Variants in DLG2 observed in about 807,000 individuals in gnomAD.
The protein encoded by DLG2 is discs large MAGUK scaffold protein 2, also known as disks large homolog 2.
In DLG2, 45 loss-of-function variants were observed where a neutral mutation model predicts 132.5. That is an observed-to-expected ratio of 0.34 (90% CI 0.27 to 0.44). DLG2 has a LOEUF of 0.44. Among genes scored for constraint, DLG2 ranks in the 20% least tolerant of loss-of-function variants. The pLI is 1.00. For missense variants in DLG2, 1,045 were observed against 1,196.9 expected (o/e 0.87, Z 1.87); for synonymous variants, 424 against 419.6 (o/e 1.01, Z -0.13).
At chr11:83,889,659 T>C (rs977119004) in intron 15 of DLG2, among the ~76,000 whole-genome samples, 8 of 152,022 alleles carry the variant, frequency 5.3e-5, no homozygotes, top group South Asian at 2.1e-4. Flanking sequence ...CACATGCACA[T>C]GTATGTTTAT....
intron 6 of DLG2, among the ~76,000 whole-genome samples, chr11:84,950,413 G>C (rs936649004): frequency 2.0e-5 from 3 of 152,112 alleles, no homozygotes; most frequent in Admixed American, 2.0e-4. Context: ...ATATAACACA[G>C]ATCTATTCCT....
intron 3 of DLG2, among the ~76,000 whole-genome samples, chr11:85,475,081 A>G (rs965850081): frequency 6.6e-6 from 1 of 151,766 alleles, no homozygotes; most frequent in African/African-American, 2.4e-5. Flanking sequence ...ATTAAGAAAA[A>G]TGAAATACAT....
chr11:83,696,808 C>T (rs1250196478), intron 18 of DLG2, among the ~76,000 whole-genome samples: 13 of 152,070 alleles, frequency 8.5e-5, no homozygotes, highest in Admixed American at 2.0e-4. Context: ...TGAAGGACTT[C>T]GTAGTCACAA....
chr11:85,039,903 A>C (rs1377837371), intron 6 of DLG2, among the ~76,000 whole-genome samples: 1 of 151,874 alleles, frequency 6.6e-6, no homozygotes, highest in African/African-American at 2.4e-5. Flanking sequence ...TCTAATTCAC[A>C]TTGGCAGTCC....
At chr11:85,440,231 C>T (rs913365233) in intron 3 of DLG2, among the ~76,000 whole-genome samples, 2 of 152,112 alleles carry the variant, frequency 1.3e-5, no homozygotes, top group South Asian at 2.1e-4. Context: ...TCTATGTATT[C>T]GCTGTATGAC....
chr11:85,276,842 AT>A (rs1208825046), intron 4 of DLG2, among the ~76,000 whole-genome samples: 1 of 152,200 alleles, frequency 6.6e-6, no homozygotes, highest in Non-Finnish European at 1.5e-5. Flanking sequence ...AGCTGTGTAA[AT>A]AAATATAATA....
rs573698522 is a variant in DLG2, at chr11:84,199,455, T to C, written c.574-35944A>G. 2.6e-5 allele frequency among the ~76,000 whole-genome samples: 4 copies of C among 151,888 alleles called. No individual in the cohort carries two copies. The South Asian group carries it at 8.3e-4, about 32-fold the overall frequency. Reference sequence around the variant, plus strand: ...CATGCAAAAAAGCAAGAAAATAGGATCCAAAAGAAATCAATCCATAGATCA... The same window carrying C: ...CATGCAAAAAAGCAAGAAAATAGGACCCAAAAGAAATCAATCCATAGATCA... On this transcript the variant is annotated intron_variant, in intron 8 of 27. Transcript: ENST00000376104.
Position 83,741,327 on chromosome 11 carries a change from T to C in DLG2, c.1825+45363A>G, listed in dbSNP as rs563377980. On this transcript the variant is annotated intron_variant, in intron 18 of 27. Coordinates refer to ENST00000376104, the MANE Select transcript of DLG2 (RefSeq NM_001142699.3). ...AGGACAATCAGGGAAGAGAAAGAAA[T>C]AAAAGGTACCCAAATAGGAAAAGAA... 2.4e-4 allele frequency among the ~76,000 whole-genome samples: 37 copies of C among 151,984 alleles called. No individual in the cohort carries two copies. In the South Asian group the frequency reaches 7.3e-3, roughly 30 times the overall value.
intron 3 of DLG2, among the ~76,000 whole-genome samples, chr11:85,461,755 T>C (rs547974890): frequency 9.5e-4 from 144 of 152,168 alleles, no homozygotes; most frequent in African/African-American, 3.4e-3. Flanking sequence ...GAACTCCCTA[T>C]TATGGACTGA....
chr11:84,622,665 A>T (rs1469903266), intron 6 of DLG2, among the ~76,000 whole-genome samples: 2 of 152,272 alleles, frequency 1.3e-5, no homozygotes, highest in Non-Finnish European at 2.9e-5. Context: ...GGATGAGAGC[A>T]TTCTATGTGG....
At chr11:85,421,725 T>C (rs1321259118) in intron 3 of DLG2, among the ~76,000 whole-genome samples, 1 of 152,090 alleles carries the variant, frequency 6.6e-6, no homozygotes, top group East Asian at 1.9e-4. Context: ...CTGTATACCT[T>C]GGTTTTTTGT....
intron 15 of DLG2, among the ~76,000 whole-genome samples, chr11:83,883,645 C>G (rs1435822805): frequency 6.6e-6 from 1 of 152,166 alleles, no homozygotes; most frequent in Non-Finnish European, 1.5e-5. Context: ...GCCTGAAACA[C>G]CAGGAGCAAA....
At chr11:84,287,853 G>A (rs1264936741) in intron 7 of DLG2, among the ~76,000 whole-genome samples, 1 of 151,620 alleles carries the variant, frequency 6.6e-6, no homozygotes, top group Non-Finnish European at 1.5e-5. Context: ...TCCAACATCT[G>A]TAATGAGACA....
chr11:84,335,025 T>C (rs1466707583), intron 7 of DLG2, among the ~76,000 whole-genome samples: 1 of 151,908 alleles, frequency 6.6e-6, no homozygotes, highest in Non-Finnish European at 1.5e-5. Context: ...TAGCTAAAAT[T>C]TGCAGCCTCA....
chr11:84,657,345 C>T (rs573418277), intron 6 of DLG2, among the ~76,000 whole-genome samples: 1 of 152,110 alleles, frequency 6.6e-6, no homozygotes. Context: ...GACAGAAATG[C>T]TGTAAGGAGC....
At chr11:85,497,982 A>C (rs2093706850) in intron 3 of DLG2, among the ~76,000 whole-genome samples, 1 of 152,212 alleles carries the variant, frequency 6.6e-6, no homozygotes, top group African/African-American at 2.4e-5. Context: ...AGCATGCCAA[A>C]TTGTAAAGAC....
At chr11:84,056,863 A>C (rs1172621002) in intron 11 of DLG2, among the ~76,000 whole-genome samples, 2 of 152,156 alleles carry the variant, frequency 1.3e-5, no homozygotes, top group South Asian at 4.1e-4. Flanking sequence ...AGTAGAAAGA[A>C]GTATGACTGA....
chr11:85,018,521 C>A (rs562166073), intron 6 of DLG2, among the ~76,000 whole-genome samples: 51 of 152,244 alleles, frequency 3.3e-4, no homozygotes, highest in African/African-American at 1.2e-3. Context: ...TTCGTGTGAT[C>A]TTTGCCTCTA....
rs558397803 is a variant in DLG2 at position 84,879,244 on chromosome 11, C to T, written c.357+232417G>A. On this transcript the variant is annotated intron_variant, in intron 6 of 27. Coordinates refer to ENST00000376104, the MANE Select transcript of DLG2 (RefSeq NM_001142699.3). Reference sequence around the variant, plus strand: ...CTTTAATGACTCCATAAAATACCTACTGCTCACAAACAGGATAAAATTTCT... The same window carrying T: ...CTTTAATGACTCCATAAAATACCTATTGCTCACAAACAGGATAAAATTTCT... 2.0e-5 allele frequency among the ~76,000 whole-genome samples: 3 copies of T among 152,286 alleles called. No individual in the cohort carries two copies. In the South Asian group the frequency reaches 6.2e-4, roughly 32 times the overall value.
Sources: allele counts gnomAD v4.1 joint callset (sites outside exome capture counted in the v4.1 genomes callset), GRCh38; gene constraint gnomAD v4.1.1; transcripts MANE v1.5; gene names NCBI Gene and HGNC (gene_info 2026-07-23, HGNC 2026-07-21).